Variants in METTL21C observed in about 807,000 individuals in gnomAD.
METTL21C encodes the protein protein-lysine methyltransferase METTL21C.
Under a neutral mutation model 25.9 loss-of-function variants are expected in METTL21C, and 21 were observed. That is an observed-to-expected ratio of 0.81 (90% CI 0.58 to 1.17). The LOEUF is 1.17. Among genes scored for constraint, METTL21C ranks in the 50% most tolerant of loss-of-function variants. METTL21C has a pLI of 0.00. For synonymous variants in METTL21C, 125 were observed against 124.7 expected (o/e 1.00, Z -0.01); for missense variants, 312 against 315.1 (o/e 0.99, Z 0.07).
chr13:102,691,904 A>C (rs759034925), intron 1 of METTL21C, among the ~76,000 whole-genome samples: 4 of 152,234 alleles, frequency 2.6e-5, no homozygotes, highest in Admixed American at 6.5e-5. Context: ...TCGGGCTGAC[A>C]TCAAGAGATC....
intron 2 of METTL21C, among the ~76,000 whole-genome samples, chr13:102,690,278 A>G (rs190256180): frequency 5.5e-4 from 83 of 152,080 alleles, no homozygotes; most frequent in African/African-American, 1.8e-3. Flanking sequence ...AAAATTAGCC[A>G]GGCATGGTGG....
chr13:102,701,054 C>T, the METTL21C span, among the ~76,000 whole-genome samples: 2 of 151,934 alleles, frequency 1.3e-5, no homozygotes, highest in Admixed American at 6.6e-5. Context: ...AATGTGTTTA[C>T]CTGATGGAAC....
upstream of METTL21C, among the ~76,000 whole-genome samples, chr13:102,699,603 G>A (rs1886000755): frequency 6.6e-6 from 1 of 152,206 alleles, no homozygotes. Flanking sequence ...AGAGAAGTGA[G>A]GGTTTCATTG....
the METTL21C span, among the ~76,000 whole-genome samples, chr13:102,703,557 A>G: frequency 1.3e-5 from 2 of 152,230 alleles, no homozygotes; most frequent in Non-Finnish European, 2.9e-5. Flanking sequence ...TCGCAAAGAT[A>G]GTTCTTGGCG....
At chr13:102,694,240 A>C in intron 1 of METTL21C, 129 bp downstream of exon 1, 1 of 1,026,534 alleles carries the variant, frequency 9.7e-7, no homozygotes, top group African/African-American at 1.6e-5. Context: ...TTTTCTGCTA[A>C]GCTTCATTAT....
chr13:102,687,949 G>A (rs538826755), intron 2 of METTL21C, among the ~76,000 whole-genome samples: 24 of 152,132 alleles, frequency 1.6e-4, no homozygotes, highest in Non-Finnish European at 2.8e-4. Context: ...AGGTGTTTAC[G>A]TGTATGGCAA....
intron 2 of METTL21C, among the ~76,000 whole-genome samples, chr13:102,690,322 G>A (rs1237463523): frequency 6.6e-6 from 1 of 151,952 alleles, no homozygotes; most frequent in Non-Finnish European, 1.5e-5. Context: ...TCGGGAGGCT[G>A]AGGCAGGAGA....
intron 1 of METTL21C, among the ~76,000 whole-genome samples, chr13:102,692,279 C>T (rs1378280479): frequency 7.0e-6 from 1 of 143,862 alleles, no homozygotes; most frequent in Non-Finnish European, 1.5e-5. Context: ...GTCAGCAGGG[C>T]ATCCCTCAGG....
At chr13:102,695,791 G>A (rs964289547), upstream of METTL21C, among the ~76,000 whole-genome samples, 1 of 152,152 alleles carries the variant, frequency 6.6e-6, no homozygotes, top group Admixed American at 6.5e-5. Flanking sequence ...TTCTATGATT[G>A]CATTCTGCAT....
chr13:102,697,334 A>G (rs1295413992), upstream of METTL21C, among the ~76,000 whole-genome samples: 2 of 151,912 alleles, frequency 1.3e-5, no homozygotes, highest in Non-Finnish European at 2.9e-5. Context: ...GGGAGACATT[A>G]TTAGTTATCG....
Position 102,690,739 on chromosome 13 carries a change from G to A in METTL21C, c.282+74C>T, listed in dbSNP as rs145460847. ...AGGATATGAAGGAACTTGACAAATT[G>A]TCCAAGGCAACTCTGAAGTACGGAA... On this transcript the variant is annotated intron_variant, in intron 2 of 3. Coordinates refer to ENST00000267273, the MANE Select transcript of METTL21C (RefSeq NM_001010977.3). 440 of 1,542,316 alleles carry A rather than the reference G, an allele frequency of 2.9e-4. 2 individuals are homozygous for A. In the African/African-American group the frequency reaches 5.1e-3, roughly 18 times the overall value.
Position 102,686,239 on chromosome 13 carries a change from A to G in METTL21C, c.587T>C (p.Val196Ala). The part of the protein sequence containing the change: ...YYDYVLASDV[V>A]YHHYFLDKLL... ...CTTGTCCAGGAAGTAGTGATGGTAG[A>G]CCACATCTGAGGCTAGGACGTAATC... Residue 196 changes from valine to alanine, a missense_variant, in exon 4 of 4, where the codon GTC becomes GCC. Transcript: ENST00000267273. 6.2e-7 allele frequency: 1 copy of G among 1,614,224 alleles called. No individual in the cohort carries two copies.
chr13:102,692,539 T>C, intron 1 of METTL21C, among the ~76,000 whole-genome samples: 1 of 151,958 alleles, frequency 6.6e-6, no homozygotes, highest in African/African-American at 2.4e-5. Flanking sequence ...ATTTTTGTTG[T>C]ATATTACAAA....
At chr13:102,696,741 T>C (rs868110908), upstream of METTL21C, among the ~76,000 whole-genome samples, 1 of 152,232 alleles carries the variant, frequency 6.6e-6, no homozygotes, top group Non-Finnish European at 1.5e-5. Context: ...CAATTCTTGT[T>C]TGCAGGTGTG....
chr13:102,694,320 CAGGAAAACAACTG>C, intron 1 of METTL21C, 36 bp downstream of exon 1: 1 of 1,570,426 alleles, frequency 6.4e-7, no homozygotes, highest in African/African-American at 1.4e-5. Flanking sequence ...ATGTCATCGC[CAGGAAAACAACTG>C]AGGAAAACTG....
chr13:102,685,798 A>C lies in METTL21C; in HGVS notation c.*233T>G. 2.3e-6 allele frequency: 1 copy of C among 440,224 alleles called. No individual in the cohort carries two copies. Among genetic ancestry groups the C allele is most frequent in the Non-Finnish European group, 4.0e-6 (1 of 252,540 alleles). The allele number at this position is 440,224 out of a possible 1,614,324, so 27.3% of individuals were successfully genotyped here. ...AACATGTAACTTCGTTGGAACCAACAAAGCTACTTTCATGTTTTTATGTTG... is the reference window on the plus strand; with the variant it reads ...AACATGTAACTTCGTTGGAACCAACCAAGCTACTTTCATGTTTTTATGTTG... On this transcript the variant is annotated 3_prime_UTR_variant, in exon 4 of 4. Transcript: ENST00000267273.
chr13:102,691,918 A>G (rs1885840971), intron 1 of METTL21C, among the ~76,000 whole-genome samples: 1 of 152,206 alleles, frequency 6.6e-6, no homozygotes, highest in Non-Finnish European at 1.5e-5. Context: ...AGAGATCACA[A>G]GTGTTTGCAG....
chr13:102,687,202 A>G (rs2139640526), intron 2 of METTL21C, 145 bp from the exon 3 acceptor site: 1 of 638,048 alleles, frequency 1.6e-6, no homozygotes, highest in Non-Finnish European at 2.8e-6. Flanking sequence ...TGTACACTCA[A>G]TGCCATATTT....
At chr13:102,691,044 T>C in intron 1 of METTL21C, 80 bp from the exon 2 acceptor site, 2 of 1,478,634 alleles carry the variant, frequency 1.4e-6, no homozygotes, top group South Asian at 1.2e-5. Flanking sequence ...ATTGCTAAGA[T>C]GGCATTAGAT....
Sources: allele counts gnomAD v4.1 joint callset (sites outside exome capture counted in the v4.1 genomes callset), GRCh38; gene constraint gnomAD v4.1.1; transcripts MANE v1.5; gene names NCBI Gene and HGNC (gene_info 2026-07-23, HGNC 2026-07-21).